GRID2: variants seen among roughly 807,000 people sequenced by gnomAD.
GRID2 encodes glutamate ionotropic receptor delta type subunit 2, also known as glutamate receptor ionotropic, delta-2.
GRID2 carries 33 observed loss-of-function variants against 114.8 expected under a neutral mutation model. The ratio of observed to expected loss-of-function variants is 0.29; its 90% CI spans 0.22 to 0.38. The LOEUF is 0.38. GRID2 is among the 10% of genes least tolerant of loss of function. The pLI is 1.00. For synonymous variants in GRID2, 505 were observed against 449.9 expected (o/e 1.12, Z -1.55); for missense variants, 1,184 against 1,257.7 (o/e 0.94, Z 0.89).
intron 9 of GRID2, among the ~76,000 whole-genome samples, chr4:93,422,049 G>A (rs1006208851): frequency 3.9e-5 from 6 of 152,080 alleles, no homozygotes; most frequent in African/African-American, 1.4e-4. Flanking sequence ...CAAATCAATC[G>A]AGCTTTCTTA....
chr4:92,390,291 T>C (rs1730177922), intron 1 of GRID2, among the ~76,000 whole-genome samples: 2 of 152,054 alleles, frequency 1.3e-5, no homozygotes, highest in African/African-American at 4.8e-5. Flanking sequence ...TAATGACAAA[T>C]AAAATTAATT....
intron 2 of GRID2, among the ~76,000 whole-genome samples, chr4:92,615,818 T>G (rs1729979695): frequency 6.6e-6 from 1 of 151,638 alleles, no homozygotes; most frequent in African/African-American, 2.4e-5. Flanking sequence ...AATATGTGCC[T>G]TAATGTATCA....
intron 1 of GRID2, among the ~76,000 whole-genome samples, chr4:92,392,897 G>A (rs537681000): frequency 3.3e-5 from 5 of 152,060 alleles, no homozygotes; most frequent in Admixed American, 1.3e-4. Context: ...CACATTCATC[G>A]ATATTATTAT....
chr4:93,431,446 G>A (rs183384946), intron 10 of GRID2, among the ~76,000 whole-genome samples: 1 of 152,076 alleles, frequency 6.6e-6, no homozygotes, highest in African/African-American at 2.4e-5. Flanking sequence ...AAATAAGAAA[G>A]TTTCAAAAAA....
At chr4:93,380,111 T>C (rs1343308115) in intron 8 of GRID2, among the ~76,000 whole-genome samples, 1 of 152,092 alleles carries the variant, frequency 6.6e-6, no homozygotes, top group African/African-American at 2.4e-5. Context: ...TCTTTGCAGA[T>C]ATAATTGTAA....
At chr4:93,732,673 T>C (rs1730589948) in intron 14 of GRID2, among the ~76,000 whole-genome samples, 1 of 152,132 alleles carries the variant, frequency 6.6e-6, no homozygotes, top group Admixed American at 6.5e-5. Context: ...CCATCAAGCA[T>C]TCTGACCGCT....
intron 2 of GRID2, among the ~76,000 whole-genome samples, chr4:92,954,604 T>C (rs923200258): frequency 1.3e-5 from 2 of 151,428 alleles, no homozygotes; most frequent in African/African-American, 4.9e-5. Context: ...TTTTTTTTTT[T>C]AATTTTCTTT....
rs528759409 is a variant in GRID2, at chr4:92,913,815, A to G, written c.245-171180A>G. Among the ~76,000 whole-genome samples the G allele has an allele frequency of 1.8e-4, 27 of 152,070 alleles. No homozygotes were observed. The East Asian group carries it at 2.9e-3, about 16-fold the overall frequency. On this transcript the variant is annotated intron_variant, in intron 2 of 15. Transcript: ENST00000282020. ...ACTCAGTATACCAGAGACAATAAAT[A>G]AAGTGAAACGACTCAAATTCTATAA...
intron 8 of GRID2, among the ~76,000 whole-genome samples, chr4:93,347,858 G>A (rs1296422747): frequency 6.6e-6 from 1 of 151,938 alleles, no homozygotes; most frequent in Non-Finnish European, 1.5e-5. Flanking sequence ...CTGCATCTCT[G>A]TTGAAAAAAA....
At chr4:93,116,582 C>T (rs914143229) in intron 4 of GRID2, among the ~76,000 whole-genome samples, 4 of 152,096 alleles carry the variant, frequency 2.6e-5, no homozygotes, top group African/African-American at 9.7e-5. Context: ...TTCCTGACTG[C>T]ACCCTTTCCT....
At chr4:93,647,015 T>C (rs1722171218) in intron 14 of GRID2, among the ~76,000 whole-genome samples, 1 of 152,118 alleles carries the variant, frequency 6.6e-6, no homozygotes, top group Non-Finnish European at 1.5e-5. Context: ...GATGTATAAA[T>C]GTGAAATTCA....
At chr4:93,797,758 A>G (rs1734832288) in intron 1 of GRID2, among the ~76,000 whole-genome samples, 1 of 151,322 alleles carries the variant, frequency 6.6e-6, no homozygotes, top group African/African-American at 2.4e-5. Context: ...CAGAGAGAGA[A>G]TGTTAGCTCT....
At chr4:92,361,862 G>T (rs1339348151) in intron 1 of GRID2, among the ~76,000 whole-genome samples, 1 of 151,968 alleles carries the variant, frequency 6.6e-6, no homozygotes, top group Non-Finnish European at 1.5e-5. Context: ...GCCTTTTAAT[G>T]CAGCTTCCTC....
chr4:93,162,735 G>A (rs562029860), intron 4 of GRID2, among the ~76,000 whole-genome samples: 100 of 151,862 alleles, frequency 6.6e-4, no homozygotes, highest in Non-Finnish European at 1.2e-3. Context: ...ATCCTAGAAA[G>A]AATGATGACT....
chr4:93,265,840 C>G (rs1750764526), intron 8 of GRID2, among the ~76,000 whole-genome samples: 1 of 152,166 alleles, frequency 6.6e-6, no homozygotes, highest in African/African-American at 2.4e-5. Context: ...ATATGGCAGA[C>G]TAGAGGAGAG....
At chr4:92,638,117 A>AT (rs561319123) in intron 2 of GRID2, among the ~76,000 whole-genome samples, 2 of 151,838 alleles carry the variant, frequency 1.3e-5, no homozygotes, top group Admixed American at 6.6e-5. Context: ...TCATTTCTAG[A>AT]TTTTTTTGCA....
rs146370727 is a variant in GRID2 at position 93,076,521 on chromosome 4, A to G, written c.245-8474A>G. 1.4e-4 allele frequency among the ~76,000 whole-genome samples: 21 copies of G among 152,036 alleles called. 1 individual carries two copies. The highest frequency in any genetic ancestry group is 4.8e-4 in the African/African-American group (20 of 41,464). The stretch of plus-strand genomic sequence containing the variant: ...TTTTCCTAATGTTAACATCTTATAT[A>G]ATGAAAGTGAAATTATCAAGAATAG... On this transcript the variant is annotated intron_variant, in intron 2 of 15. Transcript: ENST00000282020.
intron 1 of GRID2, among the ~76,000 whole-genome samples, chr4:93,785,266 G>A (rs1734568584): frequency 1.3e-5 from 2 of 152,118 alleles, no homozygotes; most frequent in Non-Finnish European, 2.9e-5. Context: ...GAAATGTGAC[G>A]GTGTTTGCAA....
intron 2 of GRID2, among the ~76,000 whole-genome samples, chr4:92,818,910 T>C (rs367970502): frequency 9.2e-5 from 14 of 152,142 alleles, no homozygotes; most frequent in African/African-American, 3.1e-4. Context: ...CTGCTTGATA[T>C]ACCCTTCACA....
Sources: allele counts gnomAD v4.1 joint callset (sites outside exome capture counted in the v4.1 genomes callset), GRCh38; gene constraint gnomAD v4.1.1; transcripts MANE v1.5; gene names NCBI Gene and HGNC (gene_info 2026-07-23, HGNC 2026-07-21).